Variants in P2RX5 observed in about 807,000 individuals in gnomAD.
The protein encoded by P2RX5 is P2X purinoceptor 5.
Under a neutral mutation model 54.1 loss-of-function variants are expected in P2RX5, and 46 were observed. The ratio of observed to expected loss-of-function variants is 0.85; its 90% CI spans 0.67 to 1.09. The LOEUF (loss-of-function observed/expected upper bound fraction) is 1.09. P2RX5 is among the 50% of genes least tolerant of loss of function. The pLI, the probability that P2RX5 is intolerant of heterozygous loss-of-function variation, is 0.00. For synonymous variants in P2RX5, 226 were observed against 226.4 expected, an observed-to-expected ratio of 1.00 and a Z score of 0.02; for missense variants, 566 against 549.8, an observed-to-expected ratio of 1.03 and a Z score of -0.29.
intron 11 of P2RX5, chr17:3,677,391 C>G: frequency 1.0e-6 from 1 of 985,410 alleles, no homozygotes; most frequent in Non-Finnish European, 1.2e-6. Flanking sequence ...GCCTCCCCTT[C>G]CCCATCTTAC....
chr17:3,673,809 G>T lies in P2RX5; in HGVS notation c.*59C>A, dbSNP rs2050036419. ...CATCCTGGGATTCCCAAAGGCATGG[G>T]ATCACTGGGTGCTAGACGGCTGGGT... On this transcript the variant is annotated 3_prime_UTR_variant, in exon 12 of 12. Coordinates refer to ENST00000225328, the MANE Select transcript of P2RX5 (RefSeq NM_002561.4). 1 of 1,612,262 alleles carries T rather than the reference G, an allele frequency of 6.2e-7. No individual in the cohort carries two copies. The highest frequency in any genetic ancestry group is 1.3e-5 in the African/African-American group (1 of 74,878).
At chr17:3,720,451 G>T in the P2RX5 span, 1 of 863,844 alleles carries the variant, frequency 1.2e-6, no homozygotes, top group South Asian at 1.4e-5. Flanking sequence ...TTTTAGACAT[G>T]AACTCACTGT....
chr17:3,705,329 ACC>A, the P2RX5 span, among the ~76,000 whole-genome samples: 1 of 152,068 alleles, frequency 6.6e-6, no homozygotes, highest in African/African-American at 2.4e-5. Flanking sequence ...GCACAGTCCT[ACC>A]TGCCTTCCCA....
At chr17:3,684,259 G>A (rs2050369264) in intron 9 of P2RX5, among the ~76,000 whole-genome samples, 2 of 152,246 alleles carry the variant, frequency 1.3e-5, no homozygotes, top group African/African-American at 4.8e-5. Flanking sequence ...CACAACTGCA[G>A]GGGAGGGTGC....
intron 1 of P2RX5, 70 bp from the exon 2 acceptor site, chr17:3,691,864 G>T: frequency 6.5e-7 from 1 of 1,541,858 alleles, no homozygotes; most frequent in African/African-American, 1.4e-5. Context: ...CCAGGCCTTG[G>T]GGTGGGGTAG....
At chr17:3,675,091 G>C (rs1323974668) in intron 11 of P2RX5, among the ~76,000 whole-genome samples, 1 of 152,216 alleles carries the variant, frequency 6.6e-6, no homozygotes, top group Non-Finnish European at 1.5e-5. Context: ...CCAGGCTGGA[G>C]TGCAGTGGCA....
chr17:3,681,904 C>G lies in P2RX5; in HGVS notation c.1056G>C (p.Glu352Asp). 3 of 1,612,468 alleles carry G rather than the reference C, an allele frequency of 1.9e-6. No individual in the cohort carries two copies. The highest frequency in any genetic ancestry group is 4.5e-5 in the East Asian group (2 of 44,884). The change falls in exon 10 of 12, where the codon GAG becomes GAC. Residue 352 changes from glutamate (E) to aspartate (D), a missense_variant. Transcript: ENST00000225328. The part of the protein sequence containing the change: ...KREFYRDKKY[E>D]EVRGLEDSSQ... ...CTGGAAGCGGAACTGACCTCACTTC[C>G]TCGTACTTCTTGTCACGGTAAAACT...
Position 3,677,341 on chromosome 17 carries a change from G to A in P2RX5, c.1259+2249C>T, listed in dbSNP as rs568768215. The A allele has an allele frequency of 8.9e-5, 86 of 966,670 alleles. No homozygotes were observed. The Middle Eastern group carries it at 2.1e-3, about 24-fold the overall frequency. The allele number at this position is 966,670 out of a possible 1,614,324, so 59.9% of individuals were successfully genotyped here. ...CTGGGCAGGTCCATATTCCCCGGGC[G>A]TCCCGAGGCTGGTGGAGTCAGATGG... On this transcript the variant is annotated intron_variant, in intron 11 of 11. Transcript: ENST00000225328.
intron 11 of P2RX5, among the ~76,000 whole-genome samples, chr17:3,675,079 G>A (rs570034666): frequency 5.3e-5 from 8 of 152,282 alleles, no homozygotes; most frequent in East Asian, 1.9e-4. Flanking sequence ...TCGCTCCGTC[G>A]CCCAGGCTGG....
chr17:3,708,935 G>C, the P2RX5 span, among the ~76,000 whole-genome samples: 1 of 151,844 alleles, frequency 6.6e-6, no homozygotes, highest in Non-Finnish European at 1.5e-5. Context: ...GAGATGCACA[G>C]AATATGGTTT....
chr17:3,722,116 T>A, the P2RX5 span, among the ~76,000 whole-genome samples: 1 of 150,204 alleles, frequency 6.7e-6, no homozygotes, highest in African/African-American at 2.5e-5. Context: ...GAGGCGGAGG[T>A]TGCAGTGAGC....
intron 1 of P2RX5, among the ~76,000 whole-genome samples, chr17:3,692,217 TGAGGCAGGAGAATGGCGTGAACCCGG>T (rs1309955740): frequency 1.3e-5 from 2 of 151,284 alleles, no homozygotes; most frequent in Non-Finnish European, 2.9e-5. Flanking sequence ...CTCAGGAGGC[TGAGGCAGGAGAATGGCGTGAACCCGG>T]GAGGCAGAGC....
At chr17:3,702,390 A>G in the P2RX5 span, among the ~76,000 whole-genome samples, 3 of 152,152 alleles carry the variant, frequency 2.0e-5, no homozygotes, top group Non-Finnish European at 2.9e-5. Flanking sequence ...TCAGCGCTCT[A>G]TAAAATGGAC....
the P2RX5 span, among the ~76,000 whole-genome samples, chr17:3,715,188 C>G: frequency 6.6e-6 from 1 of 152,172 alleles, no homozygotes; most frequent in East Asian, 1.9e-4. Flanking sequence ...GCAGCTGAAC[C>G]TTTTTAACTT....
At chr17:3,690,583 C>T (rs1017096459) in intron 4 of P2RX5, 22 bp downstream of exon 4, 36 of 1,613,212 alleles carry the variant, frequency 2.2e-5, no homozygotes, top group East Asian at 1.1e-4. Context: ...TCCTTCAGCC[C>T]GTGGCCGCTC....
Position 3,690,155 on chromosome 17 carries a change from A to C in P2RX5, c.534-5T>G. The C allele has an allele frequency of 6.2e-7, 1 of 1,613,934 alleles. No homozygotes were observed. The highest frequency in any genetic ancestry group is 8.5e-7 in the Non-Finnish European group (1 of 1,179,818). The stretch of plus-strand genomic sequence containing the variant: ...GCCTCCTTCAGGAATGGCTCCCTGA[A>C]AACCAACCCAGAACAGCCTGTCCAG... On this transcript the variant is annotated splice_region_variant and splice_polypyrimidine_tract_variant and intron_variant, in intron 5 of 11. Coordinates refer to ENST00000225328, the MANE Select transcript of P2RX5 (RefSeq NM_002561.4).
chr17:3,680,946 CG>C (rs2050258787), intron 10 of P2RX5, among the ~76,000 whole-genome samples: 1 of 137,472 alleles, frequency 7.3e-6, no homozygotes, highest in Non-Finnish European at 1.6e-5. Context: ...CTCCACCCTG[CG>C]TCCTCCACCC....
chr17:3,675,221 G>T (rs749299467), intron 11 of P2RX5: 3 of 311,524 alleles, frequency 9.6e-6, no homozygotes, highest in Non-Finnish European at 1.4e-5. Flanking sequence ...TTGTATTTTA[G>T]TAGAGACAGG....
chr17:3,677,726 A>G, intron 11 of P2RX5: 1 of 985,388 alleles, frequency 1.0e-6, no homozygotes, highest in Non-Finnish European at 1.2e-6. Context: ...TGGTGGGCCC[A>G]GCACACAGCA....
Sources: allele counts gnomAD v4.1 joint callset (sites outside exome capture counted in the v4.1 genomes callset), GRCh38; gene constraint gnomAD v4.1.1; transcripts MANE v1.5; gene names NCBI Gene and HGNC (gene_info 2026-07-23, HGNC 2026-07-21).